Variants in LMTK3 observed in about 807,000 individuals in gnomAD.
The protein encoded by LMTK3 is lemur tail kinase 3.
LMTK3 carries 27 observed loss-of-function variants against 116.7 expected under a neutral mutation model. That is an observed-to-expected ratio of 0.23 (90% CI 0.17 to 0.32). The LOEUF is 0.32. Among genes scored for constraint, LMTK3 ranks in the 10% least tolerant of loss-of-function variants. The pLI is 1.00. For missense variants in LMTK3, 1,764 were observed against 2,068.5 expected (o/e 0.85, Z 2.86); for synonymous variants, 965 against 971.0 (o/e 0.99, Z 0.11).
At chr19:48,495,297 A>G (rs2147537142) in intron 11 of LMTK3, among the ~76,000 whole-genome samples, 1 of 152,136 alleles carries the variant, frequency 6.6e-6, no homozygotes, top group East Asian at 1.9e-4. Flanking sequence ...GGTGTGAGCC[A>G]CCGCACCCAG....
intron 5 of LMTK3, among the ~76,000 whole-genome samples, chr19:48,505,553 C>T (rs1319074875): frequency 2.0e-5 from 3 of 151,994 alleles, no homozygotes; most frequent in South Asian, 2.1e-4. Flanking sequence ...AGTGAAACTC[C>T]ATCTCTACAA....
At chr19:48,512,057 TG>T (rs572376440), upstream of LMTK3, among the ~76,000 whole-genome samples, 1 of 20,240 alleles carries the variant, frequency 4.9e-5, no homozygotes, top group Non-Finnish European at 1.1e-4. Flanking sequence ...GCAGCGGGGG[TG>T]GGGGGGCAGG....
At chr19:48,510,336 T>C in intron 2 of LMTK3, 123 bp downstream of exon 2, 1 of 1,437,554 alleles carries the variant, frequency 7.0e-7, no homozygotes, top group Non-Finnish European at 9.4e-7. Flanking sequence ...GATCTTGCCA[T>C]AGCTTCAAGC....
Position 48,500,010 on chromosome 19 carries a change from G to A in LMTK3, c.1152-93C>T. The A allele has an allele frequency of 1.6e-6, 2 of 1,268,450 alleles. No individual in the cohort carries two copies. The highest frequency in any genetic ancestry group is 2.1e-6 in the Non-Finnish European group (2 of 933,418). 78.6% of individuals were successfully genotyped at this position (1,268,450 alleles called of 1,614,324 possible). A position where few individuals can be genotyped will look rare whatever the true frequency, so the allele number is the denominator to read the frequency against. On this transcript the variant is annotated intron_variant, in intron 10 of 14. Transcript: ENST00000600059. The surrounding 1 kb of genome is among the most constrained non-coding windows in gnomAD (Gnocchi z 4.0). ...ACAGACAACCAGAGAGAGGGGGACA[G>A]AGACCCAGAGGGTAACAGAGACCCA...
chr19:48,502,576 G>A lies in LMTK3; in HGVS notation c.651C>T (p.Asp217=). The A allele has an allele frequency of 6.4e-7, 1 of 1,555,470 alleles. No individual in the cohort carries two copies. Among genetic ancestry groups the A allele is most frequent in the Non-Finnish European group, 8.7e-7 (1 of 1,153,276 alleles). ...GCTGGGCTCGGAGGTAACGCTTCAG[G>A]TCCCCCTGGGAGGGAGGCAAAGAAG... ...LLIMEFCQLG[D]LKRYLRAQRP... is the part of the protein sequence containing the mutation. The change falls in exon 7 of 15, where the codon GAC becomes GAT. Residue 217 remains aspartate (D), a synonymous_variant. Transcript: ENST00000600059.
At chr19:48,492,882 A>G (rs1392600954) in intron 12 of LMTK3, among the ~76,000 whole-genome samples, 1 of 151,084 alleles carries the variant, frequency 6.6e-6, no homozygotes, top group Non-Finnish European at 1.5e-5. Flanking sequence ...CCCTCACCCT[A>G]GGTCCCGCCC....
intron 14 of LMTK3, among the ~76,000 whole-genome samples, chr19:48,490,563 A>G (rs1243442135): frequency 6.6e-6 from 1 of 150,446 alleles, no homozygotes; most frequent in Non-Finnish European, 1.5e-5. Flanking sequence ...GGACGAGGCT[A>G]GAATCCACCC....
chr19:48,510,479 G>A lies in LMTK3; in HGVS notation c.190C>T (p.Arg64Trp), dbSNP rs371873206. ...FLLLTCLCCK[R>W]GDVGFKEFEN... ...CTCACCTTGAAGCCGACATCGCCCC[G>A]TTTGCAGCACAGACAGGTGAGGAGG... The change falls in exon 2 of 15, where the codon CGG becomes TGG. Residue 64 changes from arginine (R) to tryptophan (W), a missense_variant. Physicochemically the swap from Arg to Trp is moderately radical, Grantham distance 101 (BLOSUM62 -3). Transcript: ENST00000600059. 2 of 1,597,392 alleles carry A rather than the reference G, an allele frequency of 1.3e-6. No homozygotes were observed. The highest frequency in any genetic ancestry group is 1.7e-5 in the Admixed American group (1 of 57,146).
chr19:48,512,582 C>G (rs75122033), upstream of LMTK3, among the ~76,000 whole-genome samples: 117 of 152,218 alleles, frequency 7.7e-4, no homozygotes, highest in Middle Eastern at 6.8e-3. Context: ...CACGCAGACA[C>G]ACACATCACA....
At position 48,491,347 on chromosome 19, in the gene LMTK3, C is replaced by G; in HGVS notation, c.4228+57G>C. On this transcript the variant is annotated intron_variant, in intron 13 of 14. Coordinates refer to ENST00000600059, the MANE Select transcript of LMTK3 (RefSeq NM_001388485.1). This position sits in a 1 kb window ranked among gnomAD's most constrained non-coding sequence, Gnocchi z 5.1. Reference sequence around the variant, plus strand: ...CCAAGCCCCTCCCACCCCATAGACCCCGCCCCGTCCGCCCCATGGCTCCCG... The same window carrying G: ...CCAAGCCCCTCCCACCCCATAGACCGCGCCCCGTCCGCCCCATGGCTCCCG... 1 of 1,349,758 alleles carries G rather than the reference C, an allele frequency of 7.4e-7. No homozygotes were observed. Among genetic ancestry groups the G allele is most frequent in the Non-Finnish European group, 9.5e-7 (1 of 1,047,206 alleles). The allele number at this position is 1,349,758 out of a possible 1,614,324, so 83.6% of individuals were successfully genotyped here. A position where few individuals can be genotyped will look rare whatever the true frequency, so the allele number is the denominator to read the frequency against.
chr19:48,487,741 G>T (rs530994039), intron 14 of LMTK3, among the ~76,000 whole-genome samples: 2 of 152,140 alleles, frequency 1.3e-5, no homozygotes, highest in African/African-American at 4.8e-5. Flanking sequence ...TTCTCGTTGG[G>T]GGCCTCATAT....
At chr19:48,503,139 T>C in intron 5 of LMTK3, 143 bp from the exon 6 acceptor site, 1 of 649,306 alleles carries the variant, frequency 1.5e-6, no homozygotes, top group Non-Finnish European at 2.8e-6. Context: ...AGTCTCGCTC[T>C]GTCGCCCAGG....
rs947488656 is a variant in LMTK3 at position 48,499,212 on chromosome 19, C to T, written c.1857G>A (p.Glu619=). The stretch of plus-strand genomic sequence containing the variant: ...CCTCGGCAGGGTCTCCCGCCAGGGT[C>T]TCCCCGGCGCCCCGGCCCTCGGGGT... ...GWDPEGRGAG[E]TLAGDPAEVL... is the part of the protein sequence containing the mutation. Residue 619 remains glutamate (E), a synonymous_variant, in exon 11 of 15, where the codon GAG becomes GAA. Coordinates refer to ENST00000600059, the MANE Select transcript of LMTK3 (RefSeq NM_001388485.1). 1.4e-6 allele frequency: 2 copies of T among 1,398,134 alleles called. No homozygotes were observed. Among genetic ancestry groups the T allele is most frequent in the Non-Finnish European group, 1.9e-6 (2 of 1,071,018 alleles). The allele number at this position is 1,398,134 out of a possible 1,614,324, so 86.6% of individuals were successfully genotyped here.
intron 4 of LMTK3, among the ~76,000 whole-genome samples, 165 bp downstream of exon 4, chr19:48,509,272 G>A (rs1040960444): frequency 6.6e-6 from 1 of 152,030 alleles, no homozygotes; most frequent in Non-Finnish European, 1.5e-5. Context: ...GGGATGGGGC[G>A]GGTGGGAGCC....
At chr19:48,503,994 A>C (rs1394376135) in intron 5 of LMTK3, among the ~76,000 whole-genome samples, 1 of 151,616 alleles carries the variant, frequency 6.6e-6, no homozygotes, top group East Asian at 1.9e-4. Flanking sequence ...CAGCCTCCCG[A>C]GTAGCTGGGA....
In LMTK3 at chr19:48,486,099, G is replaced by C. The variant is rs1285421345; in HGVS notation, c.4367-310C>G. Among the ~76,000 whole-genome samples, 8 of 105,126 alleles carry C rather than the reference G, an allele frequency of 7.6e-5. No homozygotes were observed. The East Asian group carries it at 2.2e-3, about 28-fold the overall frequency. 69.0% of individuals were successfully genotyped at this position (105,126 alleles called of 152,430 possible). ...TTTTGAGACGGAGTCTCGCTCTGTC[G>C]CCCAGGCTGGAGTGCAGTGGCGCGA... On this transcript the variant is annotated intron_variant, in intron 14 of 14. Coordinates refer to ENST00000600059, the MANE Select transcript of LMTK3 (RefSeq NM_001388485.1).
At chr19:48,509,077 T>C in intron 4 of LMTK3, 108 bp from the exon 5 acceptor site, 1 of 713,854 alleles carries the variant, frequency 1.4e-6, no homozygotes. Context: ...CCTTCCCAGC[T>C]TCTCCCTCCA....
chr19:48,506,494 C>T (rs1043595826), intron 5 of LMTK3, among the ~76,000 whole-genome samples: 2 of 152,124 alleles, frequency 1.3e-5, no homozygotes, highest in Admixed American at 1.3e-4. Flanking sequence ...CAGTAACTTA[C>T]TAGTTATTTT....
At chr19:48,513,036 C>G (rs1972686546), upstream of LMTK3, 1 of 933,770 alleles carries the variant, frequency 1.1e-6, no homozygotes, top group African/African-American at 1.6e-5. The surrounding 1 kb of genome is among the most constrained non-coding windows in gnomAD (Gnocchi z 5.6). Context: ...AGTCACACAT[C>G]ACATACATAA....
Sources: allele counts gnomAD v4.1 joint callset (sites outside exome capture counted in the v4.1 genomes callset), GRCh38; gene constraint gnomAD v4.1.1; non-coding constraint Gnocchi (gnomAD v3.1); transcripts MANE v1.5; gene names NCBI Gene and HGNC (gene_info 2026-07-23, HGNC 2026-07-21).